The following ZC3H12B variants were observed in gnomAD, a reference collection of about 807,000 sequenced individuals.
ZC3H12B encodes the protein probable ribonuclease ZC3H12B.
A neutral mutation model predicts 43.9 loss-of-function variants in ZC3H12B; 7 were observed. That is an observed-to-expected ratio of 0.16 (90% CI 0.09 to 0.30). The LOEUF (loss-of-function observed/expected upper bound fraction) is 0.30. Ranked by LOEUF, ZC3H12B falls within the 10% of genes least tolerant of loss-of-function variation. The pLI is 1.00. For missense variants in ZC3H12B, 475 were observed against 670.2 expected (o/e 0.71, Z 3.22); for synonymous variants, 222 against 241.7 (o/e 0.92, Z 0.76).
the ZC3H12B span, among the ~76,000 whole-genome samples, chrX:65,292,874 C>T: frequency 9.0e-6 from 1 of 111,049 alleles, no homozygotes; most frequent in East Asian, 2.8e-4. Context: ...GTCTTAGATA[C>T]TCAGGAGGCT....
chrX:65,196,502 G>A, the ZC3H12B span, among the ~76,000 whole-genome samples: 1 of 111,263 alleles, frequency 9.0e-6, no homozygotes, highest in African/African-American at 3.3e-5. Flanking sequence ...GTTGCTTAAG[G>A]CTAGCAGAGC....
chrX:65,329,766 A>G, the ZC3H12B span, among the ~76,000 whole-genome samples: 649 of 111,547 alleles, frequency 5.8e-3, 5 homozygotes, highest in African/African-American at 0.02. Context: ...CTTTCTACAT[A>G]TGGCTAGCCA....
chrX:65,406,226 C>T (rs1345938897), intron 3 of ZC3H12B, among the ~76,000 whole-genome samples: 5 of 108,815 alleles, frequency 4.6e-5, no homozygotes, highest in Non-Finnish European at 9.5e-5. Flanking sequence ...TGATGAATAT[C>T]GATGCAAAAA....
chrX:65,123,729 CT>C, the ZC3H12B span, among the ~76,000 whole-genome samples: 245 of 71,498 alleles, frequency 3.4e-3, 1 homozygote, highest in East Asian at 6.4e-3. Flanking sequence ...GTTGTTGTTT[CT>C]TTTTTTTTTT....
chrX:65,317,164 G>A, the ZC3H12B span, among the ~76,000 whole-genome samples: 5 of 109,698 alleles, frequency 4.6e-5, no homozygotes, highest in South Asian at 3.9e-4. Flanking sequence ...AGAGACATAC[G>A]AAGAGACTTA....
At chrX:65,471,206 G>C (rs998365463) in intron 3 of ZC3H12B, among the ~76,000 whole-genome samples, 1 of 111,025 alleles carries the variant, frequency 9.0e-6, no homozygotes, top group Non-Finnish European at 1.9e-5. Flanking sequence ...GAGGACTCCA[G>C]AGCTAAGTAC....
the ZC3H12B span, among the ~76,000 whole-genome samples, chrX:65,338,029 A>G: frequency 1.8e-5 from 2 of 112,088 alleles, no homozygotes; most frequent in East Asian, 5.6e-4. Context: ...TACACATTCA[A>G]GGTTAATATT....
chrX:65,470,927 G>A (rs1174707771), intron 3 of ZC3H12B, among the ~76,000 whole-genome samples: 2 of 111,862 alleles, frequency 1.8e-5, no homozygotes, highest in Non-Finnish European at 3.8e-5. Context: ...TAAATGTATT[G>A]TGGCTTGTGT....
chrX:65,317,762 C>T, the ZC3H12B span, among the ~76,000 whole-genome samples: 5 of 103,146 alleles, frequency 4.8e-5, no homozygotes, highest in Admixed American at 5.4e-4. Flanking sequence ...TGTGTATACA[C>T]ACACACACTA....
the ZC3H12B span, among the ~76,000 whole-genome samples, chrX:65,134,821 G>A: frequency 1.8e-5 from 2 of 111,551 alleles, no homozygotes; most frequent in Non-Finnish European, 1.9e-5. Context: ...AGTCAGCAAA[G>A]GGAGTTAGGG....
chrX:65,123,788 G>C, the ZC3H12B span, among the ~76,000 whole-genome samples: 2 of 103,678 alleles, frequency 1.9e-5, no homozygotes, highest in South Asian at 8.9e-4. Flanking sequence ...TTGATTTTCA[G>C]TTTGTTCACT....
At chrX:65,232,618 G>T in the ZC3H12B span, among the ~76,000 whole-genome samples, 1 of 111,428 alleles carries the variant, frequency 9.0e-6, no homozygotes, top group East Asian at 2.8e-4. Context: ...CAAAAAGCAA[G>T]AAATTAAAAC....
At chrX:65,154,177 A>T in the ZC3H12B span, among the ~76,000 whole-genome samples, 1 of 111,686 alleles carries the variant, frequency 9.0e-6, no homozygotes, top group East Asian at 2.8e-4. Flanking sequence ...ACATGTATAC[A>T]TATGTAACTA....
intron 2 of ZC3H12B, among the ~76,000 whole-genome samples, chrX:65,497,909 T>C (rs2068312767): frequency 9.0e-6 from 1 of 111,529 alleles, no homozygotes; most frequent in African/African-American, 3.3e-5. Flanking sequence ...ATATTTAATA[T>C]TTATCTTTGT....
the ZC3H12B span, among the ~76,000 whole-genome samples, chrX:65,096,889 G>A: frequency 1.8e-5 from 2 of 111,088 alleles, no homozygotes; most frequent in African/African-American, 6.5e-5. Flanking sequence ...GTTACTATTG[G>A]TAGAATTCAC....
intron 1 of ZC3H12B, among the ~76,000 whole-genome samples, chrX:65,496,013 A>T (rs1414358489): frequency 8.9e-6 from 1 of 111,763 alleles, no homozygotes; most frequent in Non-Finnish European, 1.9e-5. Context: ...AGCCAGAAAT[A>T]CTTGATTTTT....
At chrX:65,413,973 A>G (rs1602402359) in intron 3 of ZC3H12B, among the ~76,000 whole-genome samples, 1 of 112,099 alleles carries the variant, frequency 8.9e-6, no homozygotes, top group Non-Finnish European at 1.9e-5. Context: ...ACCAGTTTTT[A>G]GTGTACAAGT....
the ZC3H12B span, among the ~76,000 whole-genome samples, chrX:65,288,889 A>T: frequency 1.7e-4 from 19 of 112,286 alleles, no homozygotes; most frequent in African/African-American, 5.8e-4. Flanking sequence ...AAATAAATTT[A>T]GTAATGTTAC....
the ZC3H12B span, among the ~76,000 whole-genome samples, chrX:65,192,483 G>T: frequency 4.4e-3 from 485 of 111,332 alleles, 3 homozygotes; most frequent in African/African-American, 0.015. Flanking sequence ...GTAGCTGTGG[G>T]TCAGTGGTAT....
Sources: allele counts gnomAD v4.1 joint callset (sites outside exome capture counted in the v4.1 genomes callset), GRCh38; gene constraint gnomAD v4.1.1; transcripts MANE v1.5; gene names NCBI Gene and HGNC (gene_info 2026-07-23, HGNC 2026-07-21).